Variants in TTC6 observed in about 807,000 individuals in gnomAD.
TTC6 encodes tetratricopeptide repeat protein 6.
Under a neutral mutation model 210.4 loss-of-function variants are expected in TTC6, and 172 were observed. The observed-to-expected ratio is 0.82, with a 90% CI of 0.72 to 0.93. The LOEUF is 0.93. Among genes scored for constraint, TTC6 ranks in the 40% least tolerant of loss-of-function variants. The pLI is 0.00. For synonymous variants in TTC6, 804 were observed against 819.6 expected (o/e 0.98, Z 0.32); for missense variants, 2,414 against 2,318.1 (o/e 1.04, Z -0.85).
intron 29 of TTC6, among the ~76,000 whole-genome samples, chr14:37,829,981 C>G (rs1052873697): frequency 1.3e-5 from 2 of 152,078 alleles, no homozygotes; most frequent in African/African-American, 2.4e-5. Context: ...ATTTGCCAAA[C>G]TCCCCTTCCC....
chr14:37,808,685 A>G, intron 23 of TTC6, 48 bp from the exon 26 acceptor site: 1 of 899,748 alleles, frequency 1.1e-6, no homozygotes, highest in Non-Finnish European at 1.7e-6. Flanking sequence ...ATTAAATTTC[A>G]GTCCATTATG....
chr14:37,759,919 T>C (rs2095978957), intron 14 of TTC6, among the ~76,000 whole-genome samples: 2 of 152,198 alleles, frequency 1.3e-5, no homozygotes, highest in South Asian at 4.1e-4. Flanking sequence ...TATCAAGGTG[T>C]TTAGCTTCCT....
exon 1 of TTC6, chr14:37,622,907 C>T (rs1443289832): frequency 3.9e-6 from 6 of 1,534,870 alleles, no homozygotes; most frequent in Admixed American, 2.0e-5. Flanking sequence ...AAGAGATCAT[C>T]GCCTCTCTGC....
rs1432876096 is a variant in TTC6 at position 37,757,669 on chromosome 14, C to T, written c.3266+4434C>T. On this transcript the variant is annotated intron_variant, in intron 14 of 30. Coordinates refer to ENST00000553443, the Ensembl canonical transcript of TTC6. The stretch of plus-strand genomic sequence containing the variant: ...TTCATTGATTATTTGAAGGGTTTTT[C>T]ATGTCTCTACCTCCTTCAGTTCTGC... Among the ~76,000 whole-genome samples the T allele has an allele frequency of 2.0e-5, 3 of 152,044 alleles. No individual in the cohort carries two copies. The East Asian group carries it at 5.8e-4, about 29-fold the overall frequency.
chr14:37,715,488 A>G (rs1312194409), intron 6 of TTC6, among the ~76,000 whole-genome samples: 3 of 152,152 alleles, frequency 2.0e-5, no homozygotes, highest in Admixed American at 6.5e-5. Flanking sequence ...CCAAACATCA[A>G]TCTAAGAAAA....
intron 14 of TTC6, among the ~76,000 whole-genome samples, chr14:37,762,307 G>A (rs2095986932): frequency 6.6e-6 from 1 of 152,096 alleles, no homozygotes; most frequent in Admixed American, 6.6e-5. Context: ...ATGTCTCTTT[G>A]ACATACTGAT....
chr14:37,635,747 G>A (rs932802614), intron 1 of TTC6, among the ~76,000 whole-genome samples: 15 of 152,088 alleles, frequency 9.9e-5, no homozygotes, highest in Admixed American at 6.5e-5. Flanking sequence ...GGGAGGCTGA[G>A]GCGGGTAGAT....
At chr14:37,730,930 C>G (rs2095884324) in intron 7 of TTC6, among the ~76,000 whole-genome samples, 1 of 152,132 alleles carries the variant, frequency 6.6e-6, no homozygotes, top group African/African-American at 2.4e-5. Context: ...ATGTGTGAGC[C>G]ACTGTTCTAG....
At chr14:37,773,966 A>C (rs2096029023) in intron 14 of TTC6, among the ~76,000 whole-genome samples, 1 of 151,932 alleles carries the variant, frequency 6.6e-6, no homozygotes, top group Non-Finnish European at 1.5e-5. Flanking sequence ...CATTGTAGAG[A>C]TCTTTCACCT....
intron 6 of TTC6, among the ~76,000 whole-genome samples, chr14:37,724,230 C>A (rs1376350458): frequency 1.3e-5 from 2 of 152,042 alleles, no homozygotes; most frequent in East Asian, 3.9e-4. Context: ...CCCTACCCAG[C>A]AGTTACTGGT....
chr14:37,838,734 A>T (rs565213225), intron 29 of TTC6, among the ~76,000 whole-genome samples: 1 of 152,176 alleles, frequency 6.6e-6, no homozygotes, highest in Non-Finnish European at 1.5e-5. Flanking sequence ...CACAACGTGC[A>T]GGTTTGTTAC....
At chr14:37,660,873 C>G (rs1422978596) in intron 1 of TTC6, among the ~76,000 whole-genome samples, 1 of 152,134 alleles carries the variant, frequency 6.6e-6, no homozygotes, top group Non-Finnish European at 1.5e-5. Flanking sequence ...TTAATACTGG[C>G]CGTTCTGACT....
chr14:37,687,876 G>A (rs1274505790), intron 3 of TTC6, among the ~76,000 whole-genome samples: 1 of 152,176 alleles, frequency 6.6e-6, no homozygotes, highest in African/African-American at 2.4e-5. Flanking sequence ...CCCAGCTGTG[G>A]TGGCTACAGG....
At chr14:37,825,556 T>C (rs1436557222) in intron 27 of TTC6, among the ~76,000 whole-genome samples, 1 of 152,108 alleles carries the variant, frequency 6.6e-6, no homozygotes, top group Non-Finnish European at 1.5e-5. Flanking sequence ...AGTTGCCAGC[T>C]GGTCTTCTCT....
chr14:37,622,358 G>T (rs574773272), exon 1 of TTC6: 1 of 1,530,820 alleles, frequency 6.5e-7, no homozygotes, highest in Admixed American at 2.0e-5. Flanking sequence ...GAGGCGCGCC[G>T]CGTCCCTCGG....
intron 5 of TTC6, among the ~76,000 whole-genome samples, chr14:37,704,960 C>T (rs747336975): frequency 4.0e-5 from 6 of 151,884 alleles, no homozygotes; most frequent in Non-Finnish European, 8.8e-5. Context: ...TTTCAAATAC[C>T]TTAAATTCCA....
intron 1 of TTC6, among the ~76,000 whole-genome samples, chr14:37,629,563 T>A (rs1283009793): frequency 1.3e-5 from 2 of 152,202 alleles, no homozygotes; most frequent in African/African-American, 4.8e-5. Context: ...CAGAGACAAT[T>A]TGACTTCTTC....
chr14:37,792,433 C>A lies in TTC6; in HGVS notation c.3708+19C>A. On this transcript the variant is annotated intron_variant, in intron 17 of 30. Transcript: ENST00000553443. ...TTTTAAGGTATTTAAGGCTCGAGAA[C>A]CTTGATTTTTTTAAAAAAACTTTAA... is the stretch of plus-strand genomic sequence containing the variant. 6.9e-7 allele frequency: 1 copy of A among 1,443,598 alleles called. No homozygotes were observed. The highest frequency in any genetic ancestry group is 1.5e-5 in the South Asian group (1 of 67,962). 89.4% of individuals were successfully genotyped at this position (1,443,598 alleles called of 1,614,324 possible).
At chr14:37,774,025 T>C (rs1397260424) in intron 14 of TTC6, among the ~76,000 whole-genome samples, 1 of 152,188 alleles carries the variant, frequency 6.6e-6, no homozygotes, top group Non-Finnish European at 1.5e-5. Flanking sequence ...GTGGCTATTG[T>C]GAATGGGATT....
Sources: gnomAD v4.1 joint callset for allele counts (sites outside exome capture counted in the v4.1 genomes callset) on GRCh38, gnomAD v4.1.1 for gene constraint, MANE v1.5 for transcripts, NCBI Gene and HGNC (gene_info 2026-07-23, HGNC 2026-07-21) for gene names.